The following CEP112 variants were observed in gnomAD, a reference collection of about 807,000 sequenced individuals.
CEP112 encodes the protein centrosomal protein 112, also known as centrosomal protein of 112 kDa.
A neutral mutation model predicts 153.0 loss-of-function variants in CEP112; 127 were observed. That is an observed-to-expected ratio of 0.83 (90% CI 0.72 to 0.96). The LOEUF (loss-of-function observed/expected upper bound fraction) is 0.96. CEP112 is among the 40% of genes least tolerant of loss of function. The probability of loss-of-function intolerance (pLI) is 0.00; values close to 1 mark genes in which losing one functional copy is unlikely to be tolerated. For missense variants in CEP112, 1,089 were observed against 1,101.2 expected, an observed-to-expected ratio of 0.99 and a Z score of 0.16; for synonymous variants, 358 against 374.4, an observed-to-expected ratio of 0.96 and a Z score of 0.51.
intron 24 of CEP112, chr17:65,661,634 T>A (rs1206259749): frequency 6.6e-6 from 1 of 152,218 alleles, no homozygotes; most frequent in African/African-American, 2.4e-5. Flanking sequence ...GAACCGGAGA[T>A]CAACGTTATT....
intron 25 of CEP112, among the ~76,000 whole-genome samples, chr17:65,639,684 CAAAAA>C (rs11309560): frequency 8.7e-6 from 1 of 115,142 alleles, no homozygotes. Flanking sequence ...AACTCTGTCT[CAAAAA>C]AAAAAAAAAA....
intron 24 of CEP112, among the ~76,000 whole-genome samples, chr17:65,677,742 G>T (rs762658197): frequency 4.7e-4 from 71 of 151,962 alleles, no homozygotes; most frequent in Non-Finnish European, 3.7e-4. Context: ...GTGAAACCAG[G>T]TCTCTATTAA....
intron 21 of CEP112, among the ~76,000 whole-genome samples, chr17:65,783,971 G>A (rs2054135342): frequency 6.6e-6 from 1 of 152,158 alleles, no homozygotes; most frequent in African/African-American, 2.4e-5. Context: ...ACTTTCCTGG[G>A]TATTATTTTA....
chr17:66,093,356 A>G (rs1207314411), intron 8 of CEP112, among the ~76,000 whole-genome samples: 1 of 152,062 alleles, frequency 6.6e-6, no homozygotes, highest in African/African-American at 2.4e-5. Context: ...AAATAAATAA[A>G]TTGTATCCAA....
intron 21 of CEP112, among the ~76,000 whole-genome samples, chr17:65,777,577 G>A (rs1305958873): frequency 6.6e-6 from 1 of 152,102 alleles, no homozygotes; most frequent in Non-Finnish European, 1.5e-5. Context: ...CAAGGCCAGT[G>A]ATCAATAAGC....
At position 66,177,024 on chromosome 17, in the gene CEP112, T is replaced by C. The variant is rs775683528; in HGVS notation, c.107-4A>G. The C allele has an allele frequency of 5.7e-6, 9 of 1,590,558 alleles. No homozygotes were observed. The highest frequency in any genetic ancestry group is 1.2e-5 in the South Asian group (1 of 86,054). On this transcript the variant is annotated splice_polypyrimidine_tract_variant and splice_region_variant and intron_variant, in intron 2 of 26. Coordinates refer to ENST00000535342, the MANE Select transcript of CEP112 (RefSeq NM_001199165.4). ...CAAAGAGCACACCTCTGCCGTTCTATAAATACAGAAGAACTATTAGAAATT... is the reference window on the plus strand; with the variant it reads ...CAAAGAGCACACCTCTGCCGTTCTACAAATACAGAAGAACTATTAGAAATT...
chr17:65,731,136 T>C (rs1454900927), intron 23 of CEP112, among the ~76,000 whole-genome samples: 4 of 152,138 alleles, frequency 2.6e-5, no homozygotes, highest in Non-Finnish European at 5.9e-5. Context: ...TTTAGATAAC[T>C]TGGCTTTGGC....
chr17:65,856,784 C>A (rs914825097), intron 20 of CEP112, among the ~76,000 whole-genome samples: 1 of 152,134 alleles, frequency 6.6e-6, no homozygotes, highest in Non-Finnish European at 1.5e-5. Flanking sequence ...CATCCCAAAT[C>A]GAGTTTCAAT....
At chr17:65,955,841 A>G (rs2061983701) in intron 18 of CEP112, among the ~76,000 whole-genome samples, 1 of 152,212 alleles carries the variant, frequency 6.6e-6, no homozygotes, top group African/African-American at 2.4e-5. Flanking sequence ...TGGAGCTCCC[A>G]AATGTATAAA....
rs1352968515 is a variant in CEP112, at chr17:65,856,227, G to A, written c.2164-4193C>T. ...TTAGCTAAAGCCAAAGAATAGAATT[G>A]CGCATTGGAAGGATGGTAAGATTGA... On this transcript the variant is annotated intron_variant, in intron 20 of 26. Coordinates refer to ENST00000535342, the MANE Select transcript of CEP112 (RefSeq NM_001199165.4). Among the ~76,000 whole-genome samples the A allele has an allele frequency of 2.0e-5, 3 of 152,150 alleles. No homozygotes were observed. The East Asian group carries it at 5.8e-4, about 29-fold the overall frequency.
intron 17 of CEP112, among the ~76,000 whole-genome samples, chr17:65,968,883 G>T (rs1271624886): frequency 6.6e-6 from 1 of 151,970 alleles, no homozygotes; most frequent in East Asian, 1.9e-4. Flanking sequence ...ATATTAATTA[G>T]CTGAATTTAT....
At chr17:65,887,006 G>T (rs751393910) in intron 20 of CEP112, among the ~76,000 whole-genome samples, 1 of 152,024 alleles carries the variant, frequency 6.6e-6, no homozygotes, top group Non-Finnish European at 1.5e-5. Context: ...CTTCTAAATA[G>T]TTCTAACATG....
Position 66,077,235 on chromosome 17 carries a change from G to A in CEP112, c.769-7234C>T, listed in dbSNP as rs577499508. The stretch of plus-strand genomic sequence containing the variant: ...ATTTACCTGAAAAAGAATTCAGGAG[G>A]TTACTTATTAAGCCAATCAGGGAGG... On this transcript the variant is annotated intron_variant, in intron 8 of 26. Transcript: ENST00000535342. 1.2e-4 allele frequency among the ~76,000 whole-genome samples: 18 copies of A among 152,178 alleles called. No individual in the cohort carries two copies. The East Asian group carries it at 3.5e-3, about 29-fold the overall frequency.
Position 65,689,260 on chromosome 17 carries a change from A to T in CEP112, c.2608-42T>A, listed in dbSNP as rs753397763. On this transcript the variant is annotated intron_variant, in intron 23 of 26. Transcript: ENST00000535342. ...TAAAGATATCATTAATAATTAGCAC[A>T]CTTGGAAAAATAGTTCTACACCATG... The T allele has an allele frequency of 4.9e-6, 7 of 1,419,174 alleles. No homozygotes were observed. The African/African-American group carries it at 8.5e-5, about 17-fold the overall frequency. The allele number at this position is 1,419,174 out of a possible 1,614,324, so 87.9% of individuals were successfully genotyped here.
chr17:65,805,946 A>C (rs1188109314), intron 21 of CEP112, among the ~76,000 whole-genome samples: 2 of 152,224 alleles, frequency 1.3e-5, no homozygotes, highest in Non-Finnish European at 2.9e-5. Flanking sequence ...TTTAAGCTGC[A>C]TTATGGATCC....
chr17:65,677,246 A>G (rs1005712828), intron 24 of CEP112, among the ~76,000 whole-genome samples: 7 of 152,238 alleles, frequency 4.6e-5, no homozygotes, highest in South Asian at 2.1e-4. Context: ...TTATTATAAT[A>G]GAAGTTCCTA....
At chr17:65,697,194 G>A (rs907661176) in intron 23 of CEP112, among the ~76,000 whole-genome samples, 8 of 152,070 alleles carry the variant, frequency 5.3e-5, no homozygotes, top group Non-Finnish European at 7.4e-5. Context: ...AAATCTTGAC[G>A]TAAACCTCTC....
intron 17 of CEP112, among the ~76,000 whole-genome samples, chr17:65,974,737 G>A (rs1218918253): frequency 2.0e-5 from 3 of 152,168 alleles, no homozygotes; most frequent in Non-Finnish European, 4.4e-5. Context: ...TTTCGTGTAA[G>A]GAGGAAGAGA....
At chr17:66,098,431 A>T (rs932552948) in intron 6 of CEP112, among the ~76,000 whole-genome samples, 1 of 152,202 alleles carries the variant, frequency 6.6e-6, no homozygotes, top group African/African-American at 2.4e-5. Flanking sequence ...TGTTTTCAAA[A>T]AGTTCCCCAA....
Sources: allele counts gnomAD v4.1 joint callset (sites outside exome capture counted in the v4.1 genomes callset), GRCh38; gene constraint gnomAD v4.1.1; transcripts MANE v1.5; gene names NCBI Gene and HGNC (gene_info 2026-07-23, HGNC 2026-07-21).